Variants in SLC25A48 observed in about 807,000 individuals in gnomAD.
SLC25A48 encodes solute carrier family 25 member 48.
SLC25A48 carries 29 observed loss-of-function variants against 32.2 expected under a neutral mutation model. That is an observed-to-expected ratio of 0.90 (90% CI 0.67 to 1.23). SLC25A48 has a LOEUF of 1.23. SLC25A48 is among the 50% of genes most tolerant of loss of function. The pLI is 0.00. For missense variants in SLC25A48, 399 were observed against 422.7 expected, an observed-to-expected ratio of 0.94 and a Z score of 0.49; for synonymous variants, 164 against 172.3, an observed-to-expected ratio of 0.95 and a Z score of 0.38.
At chr5:135,874,523 C>T (rs1156303230) in intron 6 of SLC25A48, 1 of 562,482 alleles carries the variant, frequency 1.8e-6, no homozygotes, top group Non-Finnish European at 3.1e-6. Flanking sequence ...TTCCCCACTC[C>T]TCCTCCCAGT....
chr5:135,710,393 G>A lies in SLC25A48; in HGVS notation c.-521+75437G>A, dbSNP rs117578337. Among the ~76,000 whole-genome samples the A allele has an allele frequency of 9.8e-4, 150 of 152,346 alleles. 2 individuals carry two copies. The East Asian group carries it at 0.026, about 27-fold the overall frequency. On this transcript the variant is annotated intron_variant, in intron 3 of 10. Coordinates refer to the SLC25A48 transcript ENST00000646290. ...TTTGCCATGGATTGCATGAAAGGGT[G>A]TGATGCCTCTGAAGCCATTGCCGTC...
At position 135,822,256 on chromosome 5, in the gene SLC25A48, C is replaced by G. The variant is rs1452864096; in HGVS notation, c.-117+9330C>G. 9.2e-5 allele frequency: 14 copies of G among 152,284 alleles called. 1 individual carries two copies. The highest frequency in any genetic ancestry group is 9.2e-4 in the Admixed American group (14 of 15,290). The allele number at this position is 152,284 out of a possible 1,614,324, so 9.4% of individuals were successfully genotyped here. On this transcript the variant is annotated intron_variant, in intron 4 of 10. Coordinates refer to the SLC25A48 transcript ENST00000646290. ...GAGCCCTCAAGCCTGTGCCAAATCC[C>G]TTTATCCCCACAAATGAGCCATCCA...
chr5:135,620,611 G>T (rs1028592513), intron 1 of SLC25A48, among the ~76,000 whole-genome samples: 1 of 152,118 alleles, frequency 6.6e-6, no homozygotes, highest in Non-Finnish European at 1.5e-5. Flanking sequence ...TGGGACATGA[G>T]AAAATGCATG....
chr5:135,767,915 C>T (rs916877115), intron 3 of SLC25A48, among the ~76,000 whole-genome samples: 21 of 145,722 alleles, frequency 1.4e-4, no homozygotes, highest in African/African-American at 5.3e-4. Flanking sequence ...CTTCCAATAT[C>T]GCTGGGGTGT....
At chr5:135,864,834 G>C (rs997581224) in intron 4 of SLC25A48, among the ~76,000 whole-genome samples, 1 of 152,232 alleles carries the variant, frequency 6.6e-6, no homozygotes, top group African/African-American at 2.4e-5. Flanking sequence ...ACAACAGCAA[G>C]TATTGTCCTG....
At chr5:135,862,035 C>T (rs778709954) in intron 4 of SLC25A48, among the ~76,000 whole-genome samples, 1 of 152,194 alleles carries the variant, frequency 6.6e-6, no homozygotes, top group African/African-American at 2.4e-5. Flanking sequence ...GTGAAAAAAC[C>T]CTTCCTTTTA....
At chr5:135,745,614 A>T (rs1755620216) in intron 3 of SLC25A48, among the ~76,000 whole-genome samples, 1 of 152,168 alleles carries the variant, frequency 6.6e-6, no homozygotes, top group South Asian at 2.1e-4. Context: ...GGTCCTTCTG[A>T]GCAGGCTCCT....
At chr5:135,829,402 G>A (rs1479158503) in intron 4 of SLC25A48, among the ~76,000 whole-genome samples, 1 of 152,134 alleles carries the variant, frequency 6.6e-6, no homozygotes, top group African/African-American at 2.4e-5. Context: ...GATGTCCGCA[G>A]AGCCAGCCTC....
In SLC25A48 at chr5:135,762,337, T is replaced by G. The variant is rs572183419; in HGVS notation, c.-520-50186T>G. ...CTGAAAATGGGGGTGAAGGGTGGTG[T>G]TTGCAGAGGCACACATCGTGCTGGA... is the stretch of plus-strand genomic sequence containing the variant. On this transcript the variant is annotated intron_variant, in intron 3 of 10. Coordinates refer to the SLC25A48 transcript ENST00000646290. Among the ~76,000 whole-genome samples the G allele has an allele frequency of 5.3e-5, 8 of 152,048 alleles. No individual in the cohort carries two copies. In the East Asian group the frequency reaches 1.4e-3, roughly 26 times the overall value.
At chr5:135,663,121 A>G (rs1286902099) in intron 3 of SLC25A48, among the ~76,000 whole-genome samples, 2 of 152,192 alleles carry the variant, frequency 1.3e-5, no homozygotes, top group African/African-American at 2.4e-5. Context: ...GAATTTTTCC[A>G]TGACATATCA....
At chr5:135,689,519 T>C (rs1320854037) in intron 3 of SLC25A48, among the ~76,000 whole-genome samples, 1 of 152,192 alleles carries the variant, frequency 6.6e-6, no homozygotes, top group Non-Finnish European at 1.5e-5. Context: ...AAGAGCTGGA[T>C]GTGCAAGTTC....
Position 135,774,269 on chromosome 5 carries a change from C to A in SLC25A48, c.-520-38254C>A, listed in dbSNP as rs551873552. Among the ~76,000 whole-genome samples the A allele has an allele frequency of 1.2e-4, 18 of 151,596 alleles. No individual in the cohort carries two copies. In the East Asian group the frequency reaches 3.5e-3, roughly 29 times the overall value. On this transcript the variant is annotated intron_variant, in intron 3 of 10. Coordinates refer to the SLC25A48 transcript ENST00000646290. The stretch of plus-strand genomic sequence containing the variant: ...AAGAAAATAACATTAGTCCTAATAA[C>A]GCCAGAGGTGTACACCACCCCTGTG...
chr5:135,871,398 C>T (rs776120203), intron 4 of SLC25A48, 63 bp from the exon 5 acceptor site: 3 of 1,523,690 alleles, frequency 2.0e-6, no homozygotes, highest in Non-Finnish European at 2.7e-6. Flanking sequence ...GCTCCAGTGT[C>T]ACGGAATGTC....
At chr5:135,871,054 TACACAGACACACAC>T (rs1195961651) in intron 4 of SLC25A48, among the ~76,000 whole-genome samples, 1 of 127,032 alleles carries the variant, frequency 7.9e-6, no homozygotes, top group Non-Finnish European at 1.6e-5. Flanking sequence ...AATAAATGTG[TACACAGACACACAC>T]ACACACACAC....
At chr5:135,630,035 C>T (rs1383541788) in intron 2 of SLC25A48, among the ~76,000 whole-genome samples, 1 of 152,180 alleles carries the variant, frequency 6.6e-6, no homozygotes, top group Admixed American at 6.5e-5. Flanking sequence ...AGTGGATGAT[C>T]CTCTTCACTT....
At chr5:135,760,696 G>T (rs532429081) in intron 3 of SLC25A48, among the ~76,000 whole-genome samples, 1 of 152,276 alleles carries the variant, frequency 6.6e-6, no homozygotes, top group East Asian at 1.9e-4. Context: ...AAATTGAGCC[G>T]ATTGTCGGCC....
chr5:135,704,338 C>T (rs1289645314), intron 3 of SLC25A48, among the ~76,000 whole-genome samples: 1 of 152,226 alleles, frequency 6.6e-6, no homozygotes, highest in Non-Finnish European at 1.5e-5. Flanking sequence ...ACCCAGGCTT[C>T]AAGGCTTCAG....
At chr5:135,787,594 T>C (rs2126628733) in intron 3 of SLC25A48, among the ~76,000 whole-genome samples, 1 of 152,030 alleles carries the variant, frequency 6.6e-6, no homozygotes, top group South Asian at 2.1e-4. Context: ...ATTGTAATTT[T>C]CTAGGGGGAT....
chr5:135,632,053 A>G (rs148032597), intron 2 of SLC25A48, among the ~76,000 whole-genome samples: 1 of 152,312 alleles, frequency 6.6e-6, no homozygotes, highest in African/African-American at 2.4e-5. Context: ...TGAGGATGAA[A>G]GAGGTGTGTA....
Sources: allele counts gnomAD v4.1 joint callset (sites outside exome capture counted in the v4.1 genomes callset), GRCh38; gene constraint gnomAD v4.1.1; transcripts MANE v1.5; gene names NCBI Gene and HGNC (gene_info 2026-07-23, HGNC 2026-07-21).